Variants in TMEM232 observed in about 807,000 individuals in gnomAD.
TMEM232 encodes the protein transmembrane protein 232.
Under a neutral mutation model 78.8 loss-of-function variants are expected in TMEM232, and 80 were observed. That is an observed-to-expected ratio of 1.01 (90% CI 0.85 to 1.22). TMEM232 has a LOEUF of 1.22. Among genes scored for constraint, TMEM232 ranks in the 50% most tolerant of loss-of-function variants. The pLI, the probability that TMEM232 is intolerant of heterozygous loss-of-function variation, is 0.00. For synonymous variants in TMEM232, 297 were observed against 254.3 expected (o/e 1.17, Z -1.60); for missense variants, 881 against 742.2 (o/e 1.19, Z -2.17).
At chr5:110,495,552 C>T (rs927157399) in intron 12 of TMEM232, among the ~76,000 whole-genome samples, 35 of 151,758 alleles carry the variant, frequency 2.3e-4, no homozygotes, top group African/African-American at 8.5e-4. Flanking sequence ...CTATTTTGTA[C>T]TATGGGAATG....
At chr5:110,688,556 T>C (rs72773158) in intron 1 of TMEM232, among the ~76,000 whole-genome samples, 11,443 of 152,196 alleles carry the variant, frequency 0.075, 527 homozygotes, top group South Asian at 0.18. Context: ...CACAGCTTAG[T>C]AGAGGCATAA....
rs1035241567 is a variant in TMEM232 at position 110,667,576 on chromosome 5, A to G, written c.-12-212T>C. Reference sequence around the variant, plus strand: ...GTTACTATTATAAGTATATATATCCAGTCTTTATTATGCTTTAGCAGTTTT... The same window carrying G: ...GTTACTATTATAAGTATATATATCCGGTCTTTATTATGCTTTAGCAGTTTT... On this transcript the variant is annotated intron_variant, in intron 1 of 13. Coordinates refer to ENST00000455884, the MANE Select transcript of TMEM232 (RefSeq NM_001039763.4). The G allele has an allele frequency of 2.3e-5, 7 of 298,526 alleles. 1 individual carries two copies. The highest frequency in any genetic ancestry group is 2.2e-4 in the South Asian group (3 of 13,708). 18.5% of individuals were successfully genotyped at this position (298,526 alleles called of 1,614,324 possible).
At chr5:110,737,515 C>CT (rs1232759966) in intron 1 of TMEM232, among the ~76,000 whole-genome samples, 7 of 152,200 alleles carry the variant, frequency 4.6e-5, no homozygotes, top group Non-Finnish European at 8.8e-5. Flanking sequence ...TTAATGAAAG[C>CT]TACTTTCTTC....
intron 12 of TMEM232, among the ~76,000 whole-genome samples, chr5:110,453,258 A>G (rs1021799801): frequency 5.3e-5 from 8 of 152,130 alleles, no homozygotes; most frequent in Non-Finnish European, 1.2e-4. Flanking sequence ...CCTCAGATAC[A>G]AGATATCTGA....
At chr5:110,542,136 G>A (rs769279716) in intron 11 of TMEM232, among the ~76,000 whole-genome samples, 7 of 152,146 alleles carry the variant, frequency 4.6e-5, no homozygotes, top group Non-Finnish European at 8.8e-5. Context: ...ACTTGTGAAA[G>A]ACCCGAAGTT....
At position 110,391,575 on chromosome 5, in the gene TMEM232, A is replaced by T. The variant is rs553760773; in HGVS notation, n.391-935T>A. Reference sequence around the variant, plus strand: ...AGGAAATATAGCATGCTGAAGTAAGATTGGATCATAGGTTAAGTAATAAGA... The same window carrying T: ...AGGAAATATAGCATGCTGAAGTAAGTTTGGATCATAGGTTAAGTAATAAGA... On this transcript the variant is annotated intron_variant and non_coding_transcript_variant, in intron 3 of 8. Coordinates refer to the TMEM232 transcript ENST00000507188. 3.9e-5 allele frequency among the ~76,000 whole-genome samples: 6 copies of T among 152,254 alleles called. No individual in the cohort carries two copies. In the South Asian group the frequency reaches 1.0e-3, roughly 26 times the overall value.
At chr5:110,397,591 T>G (rs1011739195) in intron 3 of TMEM232, among the ~76,000 whole-genome samples, 2 of 152,184 alleles carry the variant, frequency 1.3e-5, no homozygotes, top group African/African-American at 2.4e-5. Flanking sequence ...ATTTATGTAA[T>G]GGAACTCATA....
At chr5:110,501,057 T>G (rs1271374309) in intron 12 of TMEM232, among the ~76,000 whole-genome samples, 2 of 152,226 alleles carry the variant, frequency 1.3e-5, no homozygotes, top group East Asian at 3.8e-4. Context: ...AATAAATTTA[T>G]TCATGACACT....
chr5:110,724,856 G>A (rs1797997322), intron 1 of TMEM232, among the ~76,000 whole-genome samples: 1 of 151,316 alleles, frequency 6.6e-6, no homozygotes, highest in African/African-American at 2.5e-5. Context: ...TTAAAAATAT[G>A]GTTTCAACAA....
At position 110,562,557 on chromosome 5, in the gene TMEM232, T is replaced by G. The variant is rs138286375; in HGVS notation, c.1455+5890A>C. Among the ~76,000 whole-genome samples, 604 of 152,180 alleles carry G rather than the reference T, an allele frequency of 4.0e-3. 5 individuals carry two copies. Among genetic ancestry groups the G allele is most frequent in the Admixed American group, 6.0e-3 (91 of 15,246 alleles). ...TTATCTGGGCTCCTACTGAGTGCCA[T>G]GAACTTTATGAACTTTGATGTAGCT... is the stretch of plus-strand genomic sequence containing the variant. On this transcript the variant is annotated intron_variant, in intron 11 of 13. Transcript: ENST00000455884.
chr5:110,509,021 C>T (rs1767361707), intron 12 of TMEM232, among the ~76,000 whole-genome samples: 2 of 134,890 alleles, frequency 1.5e-5, no homozygotes, highest in Non-Finnish European at 3.1e-5. Context: ...TATATATATA[C>T]AATTATATAT....
chr5:110,460,928 G>A (rs531519079), intron 12 of TMEM232, among the ~76,000 whole-genome samples: 1 of 152,116 alleles, frequency 6.6e-6, no homozygotes, highest in East Asian at 1.9e-4. Context: ...CACATTGTAC[G>A]TGTTCTGACT....
intron 1 of TMEM232, among the ~76,000 whole-genome samples, chr5:110,691,630 C>G (rs1377263993): frequency 2.0e-5 from 3 of 152,210 alleles, no homozygotes; most frequent in African/African-American, 7.2e-5. Context: ...TCAAATATTT[C>G]ATCAATGTTT....
chr5:110,585,537 T>G (rs1778708922), intron 10 of TMEM232, among the ~76,000 whole-genome samples: 1 of 152,148 alleles, frequency 6.6e-6, no homozygotes, highest in South Asian at 2.1e-4. Flanking sequence ...CCGCAAAATA[T>G]GCCTTCTATT....
intron 10 of TMEM232, among the ~76,000 whole-genome samples, chr5:110,599,119 C>T (rs182537987): frequency 1.1e-3 from 160 of 152,084 alleles, no homozygotes; most frequent in African/African-American, 3.6e-3. Context: ...CAAGGAAATG[C>T]TAAAGGATTT....
upstream of TMEM232, chr5:110,738,152 C>T (rs978183162): frequency 1.7e-6 from 2 of 1,159,796 alleles, no homozygotes; most frequent in Admixed American, 3.1e-5. Flanking sequence ...CCTGGGCTTC[C>T]AACGAGTTGA....
intron 10 of TMEM232, among the ~76,000 whole-genome samples, chr5:110,602,709 T>A (rs1176470289): frequency 6.6e-6 from 1 of 152,130 alleles, no homozygotes; most frequent in East Asian, 1.9e-4. Flanking sequence ...TGTAAATTAG[T>A]TTAACCATTG....
intron 2 of TMEM232, among the ~76,000 whole-genome samples, chr5:110,644,010 G>C (rs910357378): frequency 1.8e-4 from 28 of 151,828 alleles, no homozygotes; most frequent in Admixed American, 1.8e-3. Context: ...TATATATCAG[G>C]CACTAAGTTT....
chr5:110,520,475 ATATTACT>A (rs1477993084), intron 12 of TMEM232, among the ~76,000 whole-genome samples: 1 of 152,230 alleles, frequency 6.6e-6, no homozygotes, highest in Non-Finnish European at 1.5e-5. Flanking sequence ...TTATAAACAA[ATATTACT>A]TAAGACTACT....
Sources: allele counts gnomAD v4.1 joint callset (sites outside exome capture counted in the v4.1 genomes callset), GRCh38; gene constraint gnomAD v4.1.1; transcripts MANE v1.5; gene names NCBI Gene and HGNC (gene_info 2026-07-23, HGNC 2026-07-21).